Variants in NOSIP observed in about 807,000 individuals in gnomAD.
NOSIP encodes the protein nitric oxide synthase interacting protein.
In NOSIP, 25 loss-of-function variants were observed where a neutral mutation model predicts 36.4. That is an observed-to-expected ratio of 0.69 (90% CI 0.50 to 0.96). The LOEUF (loss-of-function observed/expected upper bound fraction) is 0.96, where lower values mean the gene tolerates loss of function less well. Among genes scored for constraint, NOSIP ranks in the 40% least tolerant of loss-of-function variants. The pLI, the probability that NOSIP is intolerant of heterozygous loss-of-function variation, is 0.00. For synonymous variants in NOSIP, 187 were observed against 179.2 expected (o/e 1.04, Z -0.35); for missense variants, 370 against 429.0 (o/e 0.86, Z 1.21).
Position 49,556,320 on chromosome 19 carries a change from C to G in NOSIP, c.831G>C (p.Gln277His). Residue 277 changes from glutamine (Q) to histidine (H), a missense_variant, in exon 8 of 9, where the codon CAG becomes CAC. Gln to His is a conservative substitution (Grantham distance 24, BLOSUM62 0). Coordinates refer to ENST00000596358, the MANE Select transcript of NOSIP (RefSeq NM_001270960.2). Reference sequence around the variant, plus strand: ...AGGGGAGGGGTGGGACTCTTACCCGCTGCAGCACGATGATGTCGCGGTCTG... The same window carrying G: ...AGGGGAGGGGTGGGACTCTTACCCGGTGCAGCACGATGATGTCGCGGTCTG... Reference protein sequence around the residue: ...KLTDRDIIVLQRGGTGFAGSG... With the variant: ...KLTDRDIIVLHRGGTGFAGSG... The G allele has an allele frequency of 6.2e-7, 1 of 1,610,698 alleles. No homozygotes were observed. Among genetic ancestry groups the G allele is most frequent in the Non-Finnish European group, 8.5e-7 (1 of 1,178,282 alleles).
intron 1 of NOSIP, among the ~76,000 whole-genome samples, chr19:49,562,748 G>A (rs995005962): frequency 3.0e-4 from 45 of 152,050 alleles, no homozygotes; most frequent in Non-Finnish European, 2.6e-4. Context: ...GGGTGTGATG[G>A]CACATGCCTG....
At chr19:49,572,685 T>C (rs1475344762) in intron 1 of NOSIP, among the ~76,000 whole-genome samples, 1 of 151,634 alleles carries the variant, frequency 6.6e-6, no homozygotes, top group African/African-American at 2.4e-5. Flanking sequence ...AATATATATA[T>C]ATATATGGCT....
intron 1 of NOSIP, among the ~76,000 whole-genome samples, chr19:49,572,113 T>C (rs1165609260): frequency 1.3e-5 from 2 of 148,858 alleles, no homozygotes; most frequent in Non-Finnish European, 3.0e-5. Flanking sequence ...TTTTTTTTTC[T>C]TTTTTTTTTG....
In NOSIP at chr19:49,555,857, C is replaced by T. The variant is rs113801859; in HGVS notation, c.835-35G>A. On this transcript the variant is annotated intron_variant, in intron 8 of 8. Transcript: ENST00000596358. ...GTAGAGAGAAGGACGAGGTAGAGGC[C>T]GGCCCGGGGGTGACCAGTGGGGCTC... 1.4e-4 allele frequency: 215 copies of T among 1,554,368 alleles called. 4 individuals carry two copies. The African/African-American group carries it at 2.5e-3, about 18-fold the overall frequency.
chr19:49,573,405 TC>T (rs995654500), intron 1 of NOSIP, among the ~76,000 whole-genome samples: 4 of 152,134 alleles, frequency 2.6e-5, no homozygotes, highest in South Asian at 2.1e-4. Context: ...CTGAGCTACC[TC>T]CGTTACAGCC....
At chr19:49,561,262 A>AG (rs2080330789) in intron 1 of NOSIP, among the ~76,000 whole-genome samples, 2 of 152,180 alleles carry the variant, frequency 1.3e-5, no homozygotes. Context: ...GACCGATCAG[A>AG]GGGCAGGTCA....
chr19:49,576,136 TA>T (rs58136999), intron 1 of NOSIP, among the ~76,000 whole-genome samples: 15,872 of 148,960 alleles, frequency 0.11, 2,134 homozygotes, highest in African/African-American at 0.31. Context: ...CTCCATCTTA[TA>T]AAAAAAAAAT....
At position 49,556,994 on chromosome 19, in the gene NOSIP, C is replaced by T. The variant is rs1337043748; in HGVS notation, c.419-1G>A. ...ACACTGGGCCCAGGTTGGACATCATCTGTGGGGGAAGGAAGGGACTCAGAT... is the reference window on the plus strand; with the variant it reads ...ACACTGGGCCCAGGTTGGACATCATTTGTGGGGGAAGGAAGGGACTCAGAT... On this transcript the variant is annotated splice_acceptor_variant, in intron 5 of 8. Transcript: ENST00000596358. LOFTEE classifies it high-confidence loss of function. 1 of 1,606,112 alleles carries T rather than the reference C, an allele frequency of 6.2e-7. No homozygotes were observed. Among genetic ancestry groups the T allele is most frequent in the Non-Finnish European group, 8.5e-7 (1 of 1,176,236 alleles).
In NOSIP at chr19:49,560,152, C is replaced by G; in HGVS notation, c.71-113G>C. ...AACGCGGTGGTGGGGGTGGGGGACT[C>G]AGAGAGAAACAGGCAGTTGGGAGCC... On this transcript the variant is annotated intron_variant, in intron 2 of 8. Transcript: ENST00000596358. The surrounding 1 kb of genome is among the most constrained non-coding windows in gnomAD (Gnocchi z 4.6). 2 of 699,656 alleles carry G rather than the reference C, an allele frequency of 2.9e-6. No homozygotes were observed. The highest frequency in any genetic ancestry group is 5.5e-5 in the East Asian group (2 of 36,534). The allele number at this position is 699,656 out of a possible 1,614,324, so 43.3% of individuals were successfully genotyped here. A position where few individuals can be genotyped will look rare whatever the true frequency, so the allele number is the denominator to read the frequency against.
chr19:49,578,491 C>T (rs557692802), intron 1 of NOSIP, among the ~76,000 whole-genome samples: 1 of 151,844 alleles, frequency 6.6e-6, no homozygotes, highest in Non-Finnish European at 1.5e-5. Flanking sequence ...ATTAGCTGAT[C>T]CCTGGCATGA....
chr19:49,566,881 CT>C lies in NOSIP; in HGVS notation c.-1-6190del, dbSNP rs2080416340. ...CCAGGCTGGAGTGCAGCGGCATGAT[CT>C]TGGCTCACTGCAACCTCTGCCTCCC... On this transcript the variant is annotated intron_variant, in intron 1 of 8. Transcript: ENST00000596358. The C allele has an allele frequency of 4.1e-5, 6 of 147,770 alleles. No homozygotes were observed. The South Asian group carries it at 1.3e-3, about 31-fold the overall frequency. The allele number at this position is 147,770 out of a possible 1,614,324, so 9.2% of individuals were successfully genotyped here. A position where few individuals can be genotyped will look rare whatever the true frequency, so the allele number is the denominator to read the frequency against.
chr19:49,559,491 C>T (rs2080302218), intron 3 of NOSIP: 1 of 184,564 alleles, frequency 5.4e-6, no homozygotes, highest in Non-Finnish European at 1.1e-5. Context: ...GCCTGGGCAA[C>T]AAAGTGAAGA....
At chr19:49,574,862 ATTTTT>A (rs1257395416) in intron 1 of NOSIP, among the ~76,000 whole-genome samples, 1 of 136,192 alleles carries the variant, frequency 7.3e-6, no homozygotes. Flanking sequence ...TGCCTGGCTA[ATTTTT>A]TTTTTTTTTT....
In NOSIP at chr19:49,575,926, T is replaced by C. The variant is rs1568412279; in HGVS notation, c.-2+4589A>G. On this transcript the variant is annotated intron_variant, in intron 1 of 8. Coordinates refer to ENST00000596358, the MANE Select transcript of NOSIP (RefSeq NM_001270960.2). The stretch of plus-strand genomic sequence containing the variant: ...GCGGGCAGATCGTGAGGTCAGGAGA[T>C]TGAGACCATCCTGACTAACACGGTG... Among the ~76,000 whole-genome samples, 5 of 152,002 alleles carry C rather than the reference T, an allele frequency of 3.3e-5. No homozygotes were observed. In the South Asian group the frequency reaches 1.0e-3, roughly 32 times the overall value.
At position 49,557,242 on chromosome 19, in the gene NOSIP, TC is replaced by T; in HGVS notation, c.265del (p.Glu89ArgfsTer34). 1 of 1,586,456 alleles carries T rather than the reference TC, an allele frequency of 6.3e-7. No individual in the cohort carries two copies. Among genetic ancestry groups the T allele is most frequent in the South Asian group, 1.1e-5 (1 of 87,482 alleles). On this transcript the variant is annotated frameshift_variant, in exon 5 of 9. Coordinates refer to ENST00000596358, the MANE Select transcript of NOSIP (RefSeq NM_001270960.2). LOFTEE classifies it high-confidence loss of function. ...KEIARQMKAY[E>X]KQRGTRREEQ... ...CTCGCGCCGGGTGCCCCGCTGCTTC[TC>T]GTAGGCCTGCGTCGGGGAAAGTGGG... is the stretch of plus-strand genomic sequence containing the variant.
At position 49,560,716 on chromosome 19, in the gene NOSIP, G is replaced by A. The variant is rs201090674; in HGVS notation, c.-1-24C>T. 243 of 1,558,300 alleles carry A rather than the reference G, an allele frequency of 1.6e-4. No homozygotes were observed. Among genetic ancestry groups the A allele is most frequent in the Admixed American group, 2.8e-4 (15 of 53,930 alleles). On this transcript the variant is annotated intron_variant, in intron 1 of 8. Transcript: ENST00000596358. The surrounding 1 kb of genome is among the most constrained non-coding windows in gnomAD (Gnocchi z 4.6). ...TCCTAGGGAGGAAGGGACAGTGGCA[G>A]GACTGTGGTTACCGGAGGCAGGCAG...
At chr19:49,577,367 G>A (rs2080567120) in intron 1 of NOSIP, among the ~76,000 whole-genome samples, 1 of 151,718 alleles carries the variant, frequency 6.6e-6, no homozygotes, top group Non-Finnish European at 1.5e-5. Context: ...GACCATCCTG[G>A]CCAACATGGC....
At position 49,557,056 on chromosome 19, in the gene NOSIP, C is replaced by A. The variant is rs759741798; in HGVS notation, c.418+34G>T. The A allele has an allele frequency of 2.7e-5, 43 of 1,593,766 alleles. No individual in the cohort carries two copies. In the East Asian group the frequency reaches 9.3e-4, roughly 34 times the overall value. Reference sequence around the variant, plus strand: ...GGCCCGCCCAGCCCGCGGCGCCCCGCCCCCCAACCCACAAGAAGCCCAACC... The same window carrying A: ...GGCCCGCCCAGCCCGCGGCGCCCCGACCCCCAACCCACAAGAAGCCCAACC... On this transcript the variant is annotated intron_variant, in intron 5 of 8. Coordinates refer to ENST00000596358, the MANE Select transcript of NOSIP (RefSeq NM_001270960.2).
chr19:49,577,563 A>T (rs906628029), intron 1 of NOSIP, among the ~76,000 whole-genome samples: 5 of 151,556 alleles, frequency 3.3e-5, no homozygotes, highest in Admixed American at 2.6e-4. Flanking sequence ...AAAAGAAAAG[A>T]AGTATATCTT....
Sources: gnomAD v4.1 joint callset for allele counts (sites outside exome capture counted in the v4.1 genomes callset) on GRCh38, gnomAD v4.1.1 for gene constraint, Gnocchi (gnomAD v3.1) non-coding constraint, MANE v1.5 for transcripts, NCBI Gene and HGNC (gene_info 2026-07-23, HGNC 2026-07-21) for gene names.